Variants in SPMIP3 observed in about 807,000 individuals in gnomAD.
SPMIP3 encodes the protein protein SPMIP3.
chr1:244,355,014 T>G, the SPMIP3 span, among the ~76,000 whole-genome samples: 1 of 152,226 alleles, frequency 6.6e-6, no homozygotes, highest in Non-Finnish European at 1.5e-5. Context: ...CACGTGTCTT[T>G]TGCTGAACGC....
the SPMIP3 span, among the ~76,000 whole-genome samples, chr1:244,373,901 G>A: frequency 2.0e-5 from 3 of 151,978 alleles, no homozygotes; most frequent in Non-Finnish European, 4.4e-5. Flanking sequence ...ATCACTTGAG[G>A]CCAGGAGTTT....
At chr1:244,357,229 TG>T in the SPMIP3 span, among the ~76,000 whole-genome samples, 1 of 58,336 alleles carries the variant, frequency 1.7e-5, no homozygotes, top group Non-Finnish European at 5.0e-5. Flanking sequence ...CCATGGAGAT[TG>T]AAACAAATAT....
chr1:244,370,101 C>T, the SPMIP3 span, among the ~76,000 whole-genome samples: 2 of 152,162 alleles, frequency 1.3e-5, no homozygotes, highest in African/African-American at 2.4e-5. Flanking sequence ...GGAAATTCCG[C>T]CGAGGACTCT....
the SPMIP3 span, among the ~76,000 whole-genome samples, chr1:244,387,430 A>G: frequency 6.6e-6 from 1 of 152,212 alleles, no homozygotes; most frequent in African/African-American, 2.4e-5. Context: ...ATGATTATAG[A>G]TTAGAGGTTA....
the SPMIP3 span, chr1:244,378,406 C>G: frequency 1.3e-6 from 2 of 1,492,732 alleles, no homozygotes; most frequent in Admixed American, 1.9e-5. Context: ...TTCCAGCTGA[C>G]GAGAAAATGG....
the SPMIP3 span, among the ~76,000 whole-genome samples, chr1:244,367,636 A>T: frequency 6.6e-6 from 1 of 152,170 alleles, no homozygotes; most frequent in Non-Finnish European, 1.5e-5. Flanking sequence ...CAGAGAGCAG[A>T]AGACAGCCCA....
At chr1:244,376,530 G>A in the SPMIP3 span, 1 of 152,160 alleles carries the variant, frequency 6.6e-6, no homozygotes, top group Non-Finnish European at 1.5e-5. Flanking sequence ...GTCAAAAATG[G>A]AATGATTGAA....
chr1:244,361,218 C>CTTT, the SPMIP3 span, among the ~76,000 whole-genome samples: 2 of 111,636 alleles, frequency 1.8e-5, no homozygotes, highest in South Asian at 7.0e-4. Flanking sequence ...TCGTACATTT[C>CTTT]TTTTTTTTCT....
At chr1:244,354,954 T>A in the SPMIP3 span, among the ~76,000 whole-genome samples, 2 of 152,196 alleles carry the variant, frequency 1.3e-5, no homozygotes, top group Non-Finnish European at 2.9e-5. Flanking sequence ...CTATGATTAA[T>A]CTCTGACATT....
chr1:244,353,392 A>AAAC, the SPMIP3 span, among the ~76,000 whole-genome samples: 36 of 152,272 alleles, frequency 2.4e-4, no homozygotes, highest in East Asian at 2.1e-3. Flanking sequence ...TTAAGAAAAC[A>AAAC]AACAACAACA....
the SPMIP3 span, chr1:244,388,904 GGAGT>G: frequency 6.9e-6 from 10 of 1,446,592 alleles, no homozygotes; most frequent in Non-Finnish European, 9.7e-6. Context: ...TTAAAAATTA[GGAGT>G]GAGTAGTCTT....
the SPMIP3 span, among the ~76,000 whole-genome samples, chr1:244,380,914 T>TG: frequency 6.6e-6 from 1 of 150,458 alleles, no homozygotes; most frequent in Non-Finnish European, 1.5e-5. Context: ...AGCAGGGGTT[T>TG]GGGATGAGAG....
At chr1:244,355,683 G>A in the SPMIP3 span, among the ~76,000 whole-genome samples, 18 of 152,296 alleles carry the variant, frequency 1.2e-4, no homozygotes, top group East Asian at 3.3e-3. Flanking sequence ...ACCGCGCCCA[G>A]CCCCAAATAA....
chr1:244,361,029 T>C, the SPMIP3 span, among the ~76,000 whole-genome samples: 1 of 151,690 alleles, frequency 6.6e-6, no homozygotes, highest in Non-Finnish European at 1.5e-5. Flanking sequence ...AAAATTGAAC[T>C]TGTCGAAGAA....
chr1:244,378,865 T>C, the SPMIP3 span, among the ~76,000 whole-genome samples: 1 of 152,196 alleles, frequency 6.6e-6, no homozygotes, highest in African/African-American at 2.4e-5. Context: ...AGGATGGAAA[T>C]GCATATATCC....
At chr1:244,387,949 C>T in the SPMIP3 span, among the ~76,000 whole-genome samples, 78 of 150,406 alleles carry the variant, frequency 5.2e-4, no homozygotes, top group African/African-American at 1.8e-3. Flanking sequence ...ATTTTTGAGA[C>T]GAAGTTTCAC....
chr1:244,380,100 ATTAC>A, the SPMIP3 span, among the ~76,000 whole-genome samples: 1 of 147,452 alleles, frequency 6.8e-6, no homozygotes, highest in Non-Finnish European at 1.5e-5. Context: ...CTTGGGATGA[ATTAC>A]TTCATTCACA....
At chr1:244,355,068 TAATA>T in the SPMIP3 span, among the ~76,000 whole-genome samples, 1 of 152,194 alleles carries the variant, frequency 6.6e-6, no homozygotes, top group South Asian at 2.1e-4. Context: ...GGCAGTTGGT[TAATA>T]AATCTTTGCT....
the SPMIP3 span, among the ~76,000 whole-genome samples, chr1:244,384,569 T>C: frequency 1.3e-5 from 2 of 152,178 alleles, no homozygotes; most frequent in Non-Finnish European, 2.9e-5. Context: ...GCCCAGGCTA[T>C]ACCCAATACC....
Sources: allele counts gnomAD v4.1 joint callset (sites outside exome capture counted in the v4.1 genomes callset), GRCh38; gene constraint gnomAD v4.1.1; transcripts MANE v1.5; gene names NCBI Gene and HGNC (gene_info 2026-07-23, HGNC 2026-07-21).